Variants in AGBL4 observed in about 807,000 individuals in gnomAD.
The protein encoded by AGBL4 is cytosolic carboxypeptidase 6.
AGBL4 carries 58 observed loss-of-function variants against 66.4 expected under a neutral mutation model. The ratio of observed to expected loss-of-function variants is 0.87; its 90% CI spans 0.71 to 1.09. The LOEUF (loss-of-function observed/expected upper bound fraction) is 1.09. Among genes scored for constraint, AGBL4 ranks in the 50% least tolerant of loss-of-function variants. The pLI, the probability that AGBL4 is intolerant of heterozygous loss-of-function variation, is 0.00. For missense variants in AGBL4, 579 were observed against 631.0 expected (o/e 0.92, Z 0.88); for synonymous variants, 234 against 222.9 (o/e 1.05, Z -0.44).
intron 4 of AGBL4, among the ~76,000 whole-genome samples, chr1:49,158,097 A>G (rs1646469286): frequency 6.6e-6 from 1 of 152,130 alleles, no homozygotes; most frequent in Non-Finnish European, 1.5e-5. Flanking sequence ...TTCCCTATTT[A>G]ATAAATGTTG....
intron 3 of AGBL4, among the ~76,000 whole-genome samples, chr1:49,597,118 C>T (rs548413816): frequency 3.3e-5 from 5 of 152,118 alleles, no homozygotes; most frequent in South Asian, 2.1e-4. Flanking sequence ...AAGATGTGCA[C>T]GCCACCTATT....
chr1:49,030,067 T>C (rs576200694), intron 5 of AGBL4, among the ~76,000 whole-genome samples: 2 of 152,250 alleles, frequency 1.3e-5, no homozygotes, highest in East Asian at 1.9e-4. Flanking sequence ...GAAGAAAACA[T>C]AGGAGTAAAT....
At position 48,687,401 on chromosome 1, in the gene AGBL4, C is replaced by T. The variant is rs550153102; in HGVS notation, c.635-24160G>A. On this transcript the variant is annotated intron_variant, in intron 6 of 13. Coordinates refer to ENST00000371839, the MANE Select transcript of AGBL4 (RefSeq NM_032785.4). The stretch of plus-strand genomic sequence containing the variant: ...AAGGCCCCGGTGGGCCGCGGGTGGG[C>T]GGGTGCTCTTGCTAGCAGGTGATGA... Among the ~76,000 whole-genome samples, 20 of 152,166 alleles carry T rather than the reference C, an allele frequency of 1.3e-4. No individual in the cohort carries two copies. In the South Asian group the frequency reaches 4.2e-3, roughly 32 times the overall value.
At chr1:48,860,077 T>C (rs1647345961) in intron 6 of AGBL4, among the ~76,000 whole-genome samples, 1 of 152,138 alleles carries the variant, frequency 6.6e-6, no homozygotes, top group Non-Finnish European at 1.5e-5. Context: ...TGTGTATACT[T>C]GGACAAAAAA....
intron 3 of AGBL4, among the ~76,000 whole-genome samples, chr1:49,325,799 C>A (rs879835932): frequency 6.6e-6 from 1 of 152,186 alleles, no homozygotes; most frequent in African/African-American, 2.4e-5. Context: ...TTAGCACCAT[C>A]GTCTTGGTGC....
At chr1:49,699,512 C>T (rs112076359) in intron 2 of AGBL4, among the ~76,000 whole-genome samples, 11 of 152,040 alleles carry the variant, frequency 7.2e-5, no homozygotes, top group African/African-American at 2.4e-4. Flanking sequence ...TAACACAGAA[C>T]ATAAGCTGTA....
At chr1:49,239,805 G>A (rs1651074463) in intron 4 of AGBL4, among the ~76,000 whole-genome samples, 1 of 151,966 alleles carries the variant, frequency 6.6e-6, no homozygotes, top group African/African-American at 2.4e-5. Flanking sequence ...TTACCCCTAT[G>A]GTGCTTAGTT....
chr1:49,439,616 G>A (rs1294390156), intron 3 of AGBL4, among the ~76,000 whole-genome samples: 1 of 152,170 alleles, frequency 6.6e-6, no homozygotes, highest in Non-Finnish European at 1.5e-5. Context: ...GAGTCAGTGG[G>A]CTGGGAAATT....
intron 5 of AGBL4, among the ~76,000 whole-genome samples, chr1:48,889,610 G>T (rs775824869): frequency 2.6e-5 from 4 of 152,208 alleles, no homozygotes; most frequent in Non-Finnish European, 4.4e-5. Flanking sequence ...CACTGGAAGG[G>T]AGTTAGTGGG....
chr1:49,772,198 A>G (rs1231407675), intron 2 of AGBL4, among the ~76,000 whole-genome samples: 3 of 152,122 alleles, frequency 2.0e-5, no homozygotes, highest in African/African-American at 7.2e-5. Flanking sequence ...TCTTGCAGTT[A>G]TAACAGACTA....
At chr1:48,824,717 A>G (rs967839822) in intron 6 of AGBL4, among the ~76,000 whole-genome samples, 1 of 152,212 alleles carries the variant, frequency 6.6e-6, no homozygotes, top group Non-Finnish European at 1.5e-5. Flanking sequence ...CATCCTTGGG[A>G]TAAAAGCTAA....
chr1:49,055,174 T>C (rs1644287484), intron 4 of AGBL4, among the ~76,000 whole-genome samples: 1 of 152,010 alleles, frequency 6.6e-6, no homozygotes, highest in South Asian at 2.1e-4. Context: ...ATTTATATGT[T>C]GTACTACAGT....
rs150828913 is a variant in AGBL4, at chr1:48,542,470, C to A, written c.1268-2732G>T. ...TACACTCCCACCAACAGTATAAAAG[C>A]GTTCCTATTTCTTCACATCCTCTCC... is the stretch of plus-strand genomic sequence containing the variant. On this transcript the variant is annotated intron_variant, in intron 11 of 13. Transcript: ENST00000371839. 1.8e-3 allele frequency among the ~76,000 whole-genome samples: 267 copies of A among 152,276 alleles called. 4 individuals carry two copies. The highest frequency in any genetic ancestry group is 0.013 in the East Asian group (69 of 5,180).
At chr1:48,819,254 C>A (rs371730702) in intron 6 of AGBL4, among the ~76,000 whole-genome samples, 1 of 152,162 alleles carries the variant, frequency 6.6e-6, no homozygotes, top group South Asian at 2.1e-4. Context: ...GTGAAAGAAT[C>A]TGTTATGTTT....
At chr1:49,082,498 C>G (rs969059043) in intron 4 of AGBL4, among the ~76,000 whole-genome samples, 3 of 152,178 alleles carry the variant, frequency 2.0e-5, no homozygotes, top group Non-Finnish European at 4.4e-5. Flanking sequence ...AGAGCTTGTA[C>G]TGGGGAACTC....
chr1:49,421,757 C>T (rs2148643232), intron 3 of AGBL4, among the ~76,000 whole-genome samples: 1 of 152,218 alleles, frequency 6.6e-6, no homozygotes, highest in African/African-American at 2.4e-5. Context: ...ATGGTACTTT[C>T]CCATCTCTTG....
chr1:49,853,695 T>TA lies in AGBL4; in HGVS notation c.35-2178dup, dbSNP rs1646361640. Among the ~76,000 whole-genome samples the TA allele has an allele frequency of 2.6e-5, 4 of 152,126 alleles. No homozygotes were observed. The South Asian group carries it at 8.3e-4, about 32-fold the overall frequency. ...AAAAATTATGTTATATTTAAAGAGA[T>TA]AAATCACATACAAATGACCTAAGAT... On this transcript the variant is annotated intron_variant, in intron 1 of 13. Coordinates refer to ENST00000371839, the MANE Select transcript of AGBL4 (RefSeq NM_032785.4).
chr1:49,250,207 T>C (rs1651938581), intron 3 of AGBL4, among the ~76,000 whole-genome samples: 1 of 152,046 alleles, frequency 6.6e-6, no homozygotes, highest in South Asian at 2.1e-4. Flanking sequence ...TCAAAATAGG[T>C]AGAACAGAAT....
chr1:48,576,679 T>C (rs1435507663), intron 11 of AGBL4, among the ~76,000 whole-genome samples: 1 of 152,162 alleles, frequency 6.6e-6, no homozygotes, highest in Admixed American at 6.5e-5. Context: ...TGCACCATTT[T>C]ATCAATATTC....
Sources: gnomAD v4.1 joint callset for allele counts (sites outside exome capture counted in the v4.1 genomes callset) on GRCh38, gnomAD v4.1.1 for gene constraint, MANE v1.5 for transcripts, NCBI Gene and HGNC (gene_info 2026-07-23, HGNC 2026-07-21) for gene names.